The following PCYT1A variants were observed in gnomAD, a reference collection of about 807,000 sequenced individuals.
PCYT1A encodes choline-phosphate cytidylyltransferase A.
A neutral mutation model predicts 43.7 loss-of-function variants in PCYT1A; 25 were observed. The ratio of observed to expected loss-of-function variants is 0.57; its 90% CI spans 0.42 to 0.80. PCYT1A has a LOEUF of 0.80. PCYT1A is among the 30% of genes least tolerant of loss of function. The pLI is 0.00. For synonymous variants in PCYT1A, 172 were observed against 170.7 expected, an observed-to-expected ratio of 1.01 and a Z score of -0.06; for missense variants, 421 against 474.2, an observed-to-expected ratio of 0.89 and a Z score of 1.04.
At chr3:196,245,095 C>A (rs9325436) in intron 5 of PCYT1A, among the ~76,000 whole-genome samples, 5 of 147,922 alleles carry the variant, frequency 3.4e-5, no homozygotes, top group Admixed American at 6.7e-5. Context: ...AATAAAAATA[C>A]ATAAATAAAT....
At chr3:196,260,910 C>T (rs917615670) in intron 2 of PCYT1A, among the ~76,000 whole-genome samples, 2 of 152,060 alleles carry the variant, frequency 1.3e-5, no homozygotes, top group Non-Finnish European at 2.9e-5. Context: ...TTGCATTACT[C>T]GTAATAGCCA....
chr3:196,265,358 C>T (rs537103297), intron 2 of PCYT1A, among the ~76,000 whole-genome samples: 14 of 152,130 alleles, frequency 9.2e-5, no homozygotes, highest in African/African-American at 3.4e-4. Context: ...GAGCCACTTG[C>T]GCCCAGCCTG....
In PCYT1A at chr3:196,239,505, C is replaced by T. The variant is rs1724286388; in HGVS notation, c.897+42G>A. 3.1e-6 allele frequency: 4 copies of T among 1,303,220 alleles called. No homozygotes were observed. In the East Asian group the frequency reaches 9.2e-5, roughly 30 times the overall value. The allele number at this position is 1,303,220 out of a possible 1,614,324, so 80.7% of individuals were successfully genotyped here. On this transcript the variant is annotated intron_variant, in intron 8 of 8. Coordinates refer to ENST00000431016, the MANE Select transcript of PCYT1A (RefSeq NM_001312673.2). ...CTCAATGATTCTGTCATTCTTTCCA[C>T]AACATGGAACTCCCTACATTGTCCA...
At chr3:196,245,462 T>G (rs1724533025) in intron 5 of PCYT1A, among the ~76,000 whole-genome samples, 1 of 152,174 alleles carries the variant, frequency 6.6e-6, no homozygotes, top group Non-Finnish European at 1.5e-5. Flanking sequence ...TGAATATCCT[T>G]TGCAAGGGCA....
At chr3:196,267,004 C>A (rs1725294227) in intron 2 of PCYT1A, among the ~76,000 whole-genome samples, 1 of 151,790 alleles carries the variant, frequency 6.6e-6, no homozygotes, top group African/African-American at 2.4e-5. Flanking sequence ...AACCCCGTCT[C>A]TACCAAAAAT....
At chr3:196,241,890 TG>T in intron 7 of PCYT1A, 57 bp downstream of exon 7, 1 of 1,588,696 alleles carries the variant, frequency 6.3e-7, no homozygotes, top group East Asian at 2.2e-5. Context: ...TGAGATGGAG[TG>T]GGAGGTGATA....
chr3:196,241,659 G>A, intron 7 of PCYT1A: 1 of 1,368,994 alleles, frequency 7.3e-7, no homozygotes, highest in Non-Finnish European at 9.6e-7. Context: ...GAGAGAGGAA[G>A]TTTAAGAGAC....
chr3:196,284,602 ATTC>A (rs561111175), intron 1 of PCYT1A, among the ~76,000 whole-genome samples: 1,761 of 152,322 alleles, frequency 0.012, 10 homozygotes, highest in Non-Finnish European at 0.019. Context: ...TGACGAGGTC[ATTC>A]TTCTTAAGGG....
chr3:196,284,164 G>A (rs567143936), intron 1 of PCYT1A, among the ~76,000 whole-genome samples: 2 of 152,258 alleles, frequency 1.3e-5, no homozygotes, highest in South Asian at 2.1e-4. Context: ...AGAAAAGCAT[G>A]ATGCTTAAGT....
At chr3:196,239,773 A>C in intron 7 of PCYT1A, 38 bp from the exon 8 acceptor site, 15 of 1,360,508 alleles carry the variant, frequency 1.1e-5, no homozygotes, top group South Asian at 2.4e-5. Flanking sequence ...AATAATGCTC[A>C]TCCTAAACTT....
chr3:196,243,578 T>G (rs1466501176), intron 5 of PCYT1A, among the ~76,000 whole-genome samples: 1 of 151,940 alleles, frequency 6.6e-6, no homozygotes, highest in Non-Finnish European at 1.5e-5. Context: ...CTCCCTCTGA[T>G]GCCGAGCGGA....
intron 7 of PCYT1A, chr3:196,241,594 A>T (rs1187170469): frequency 7.6e-7 from 1 of 1,309,232 alleles, no homozygotes. Context: ...CACTATCCAC[A>T]CGAGGAGGGC....
intron 1 of PCYT1A, among the ~76,000 whole-genome samples, chr3:196,274,086 G>A (rs909259293): frequency 6.6e-6 from 1 of 152,240 alleles, no homozygotes; most frequent in Admixed American, 6.5e-5. Flanking sequence ...CCTAGCACAC[G>A]CAAACCCAGC....
chr3:196,254,983 A>C lies in PCYT1A; in HGVS notation c.217+2805T>G, dbSNP rs544183369. On this transcript the variant is annotated intron_variant, in intron 3 of 8. Coordinates refer to ENST00000431016, the MANE Select transcript of PCYT1A (RefSeq NM_001312673.2). ...CCTAGAGCTGACCTTCTTGTCTCTC[A>C]AATCATATTTGTTTTTCTCTAAGTA... Among the ~76,000 whole-genome samples, 9 of 152,118 alleles carry C rather than the reference A, an allele frequency of 5.9e-5. No homozygotes were observed. In the East Asian group the frequency reaches 1.5e-3, roughly 26 times the overall value.
At position 196,237,322 on chromosome 3, in the gene PCYT1A, C is replaced by T. The variant is rs1306341091; in HGVS notation, c.*1366G>A. The T allele has an allele frequency of 6.6e-6, 1 of 152,236 alleles. No individual in the cohort carries two copies. The highest frequency in any genetic ancestry group is 2.4e-5 in the African/African-American group (1 of 41,444). 9.4% of individuals were successfully genotyped at this position (152,236 alleles called of 1,614,324 possible). A position where few individuals can be genotyped will look rare whatever the true frequency, so the allele number is the denominator to read the frequency against. On this transcript the variant is annotated 3_prime_UTR_variant, in exon 9 of 9. Transcript: ENST00000431016. ...GCTTTAAAAGTTAGAGCATGCTCAA[C>T]AGCAAGTGCTAAGCATTAGCATTCT...
chr3:196,240,653 T>A (rs748878358), intron 7 of PCYT1A: 3 of 152,338 alleles, frequency 2.0e-5, no homozygotes, highest in Non-Finnish European at 2.9e-5. Context: ...ATTGCGCCAC[T>A]GTACTCTGGC....
At chr3:196,278,529 G>C (rs1015648464) in intron 1 of PCYT1A, among the ~76,000 whole-genome samples, 1 of 152,144 alleles carries the variant, frequency 6.6e-6, no homozygotes, top group African/African-American at 2.4e-5. Context: ...ATGGGGCAGT[G>C]CATTACTCAA....
chr3:196,275,615 C>G (rs1665390373), intron 1 of PCYT1A, among the ~76,000 whole-genome samples: 1 of 152,020 alleles, frequency 6.6e-6, no homozygotes, highest in Non-Finnish European at 1.5e-5. Flanking sequence ...TATCTGTAAT[C>G]CCAGCTACTC....
At chr3:196,261,079 A>T (rs187187450) in intron 2 of PCYT1A, among the ~76,000 whole-genome samples, 1 of 152,348 alleles carries the variant, frequency 6.6e-6, no homozygotes, top group Non-Finnish European at 1.5e-5. Context: ...GAAGTCGGAC[A>T]CAAAAGTCCA....
Sources: allele counts gnomAD v4.1 joint callset (sites outside exome capture counted in the v4.1 genomes callset), GRCh38; gene constraint gnomAD v4.1.1; transcripts MANE v1.5; gene names NCBI Gene and HGNC (gene_info 2026-07-23, HGNC 2026-07-21).